RAB30: variants seen among roughly 807,000 people sequenced by gnomAD.
RAB30 encodes ras-related protein Rab-30.
In RAB30, 9 loss-of-function variants were observed where a neutral mutation model predicts 25.1. The ratio of observed to expected loss-of-function variants is 0.36; its 90% CI spans 0.22 to 0.63. The LOEUF (loss-of-function observed/expected upper bound fraction) is 0.63. RAB30 is among the 20% of genes least tolerant of loss of function. The pLI is 0.69. For missense variants in RAB30, 140 were observed against 243.5 expected (o/e 0.58, Z 2.83); for synonymous variants, 77 against 86.4 (o/e 0.89, Z 0.60).
chr11:83,037,880 T>C (rs1858020044), intron 1 of RAB30, among the ~76,000 whole-genome samples: 1 of 152,136 alleles, frequency 6.6e-6, no homozygotes, highest in African/African-American at 2.4e-5. Flanking sequence ...AAACAGGGGT[T>C]CCACTTACTT....
At chr11:83,013,397 A>G (rs1204285114) in intron 1 of RAB30, among the ~76,000 whole-genome samples, 2 of 152,108 alleles carry the variant, frequency 1.3e-5, no homozygotes. Context: ...ACACTTTATT[A>G]TTCTTGTTGG....
rs1007565449 is a variant in RAB30 at position 82,981,811 on chromosome 11, C to T, written c.*354G>A. ...CCCTAAAGAAGAGTTCCCACATGCA[C>T]CCACTGATGTGCAGGAGGGATCCCT... is the stretch of plus-strand genomic sequence containing the variant. On this transcript the variant is annotated 3_prime_UTR_variant, in exon 5 of 5. Coordinates refer to ENST00000527633, the MANE Select transcript of RAB30 (RefSeq NM_001286060.2). 1 of 210,032 alleles carries T rather than the reference C, an allele frequency of 4.8e-6. No homozygotes were observed. Among genetic ancestry groups the T allele is most frequent in the African/African-American group, 2.3e-5 (1 of 43,128 alleles). The allele number at this position is 210,032 out of a possible 1,614,324, so 13.0% of individuals were successfully genotyped here. A position where few individuals can be genotyped will look rare whatever the true frequency, so the allele number is the denominator to read the frequency against.
At chr11:83,019,605 C>T (rs1857518519) in intron 1 of RAB30, among the ~76,000 whole-genome samples, 1 of 152,168 alleles carries the variant, frequency 6.6e-6, no homozygotes, top group Non-Finnish European at 1.5e-5. Context: ...ATGCCATCTC[C>T]CCCACGAAGT....
intron 1 of RAB30, among the ~76,000 whole-genome samples, chr11:83,058,270 A>T (rs1409698854): frequency 2.0e-5 from 3 of 152,200 alleles, no homozygotes; most frequent in African/African-American, 7.2e-5. Flanking sequence ...ATTAACATTC[A>T]TCCTATACTA....
chr11:83,018,358 T>A (rs987984535), intron 1 of RAB30, among the ~76,000 whole-genome samples: 1 of 152,108 alleles, frequency 6.6e-6, no homozygotes, highest in African/African-American at 2.4e-5. Flanking sequence ...CATTTACTAT[T>A]TTTTGATTTT....
At chr11:83,055,233 C>T (rs1350674588) in intron 1 of RAB30, among the ~76,000 whole-genome samples, 1 of 152,222 alleles carries the variant, frequency 6.6e-6, no homozygotes. Flanking sequence ...TAGCACCTGG[C>T]ACTATGTAAA....
intron 1 of RAB30, among the ~76,000 whole-genome samples, chr11:83,019,594 C>T (rs539690307): frequency 7.7e-4 from 118 of 152,318 alleles, no homozygotes; most frequent in Admixed American, 2.0e-3. Context: ...GGGCAGCAGA[C>T]ATGCCATCTC....
intron 1 of RAB30, among the ~76,000 whole-genome samples, chr11:83,054,955 G>A (rs989600226): frequency 6.6e-6 from 1 of 152,198 alleles, no homozygotes; most frequent in African/African-American, 2.4e-5. Flanking sequence ...AGTGGTGGCG[G>A]CCAGGTGCCA....
intron 1 of RAB30, among the ~76,000 whole-genome samples, chr11:83,062,006 T>C (rs984610841): frequency 6.6e-6 from 1 of 152,104 alleles, no homozygotes; most frequent in Non-Finnish European, 1.5e-5. Flanking sequence ...TCTTCCCCCG[T>C]GCCTGAAAAT....
rs141660411 is a variant in RAB30 at position 83,063,387 on chromosome 11, C to T, written c.-9+8304G>A. 8.3e-4 allele frequency among the ~76,000 whole-genome samples: 127 copies of T among 152,336 alleles called. 1 individual carries two copies. In the East Asian group the frequency reaches 0.021, roughly 25 times the overall value. ...TTCATTTCAAGGTTGATGACGTCCA[C>T]ATTTTAGTGAAGTTAACTAACCGTA... On this transcript the variant is annotated intron_variant, in intron 1 of 4. Transcript: ENST00000527633.
At position 83,006,975 on chromosome 11, in the gene RAB30, A is replaced by AAAC. The variant is rs1352352644; in HGVS notation, c.-8-9654_-8-9652dup. 6.6e-5 allele frequency among the ~76,000 whole-genome samples: 10 copies of AAAC among 152,364 alleles called. No homozygotes were observed. In the East Asian group the frequency reaches 1.7e-3, roughly 26 times the overall value. ...CTTGCTTGTGTCATGAATAAAAACAAAACTCTCACACATTCTTACAGCTTA... is the reference window on the plus strand; with the variant it reads ...CTTGCTTGTGTCATGAATAAAAACAAAACAACTCTCACACATTCTTACAGCTTA... On this transcript the variant is annotated intron_variant, in intron 1 of 4. Coordinates refer to ENST00000527633, the MANE Select transcript of RAB30 (RefSeq NM_001286060.2).
At chr11:83,041,716 AC>A (rs1463877245) in intron 1 of RAB30, 1 of 153,588 alleles carries the variant, frequency 6.5e-6, no homozygotes, top group Admixed American at 6.5e-5. Context: ...GTTTTTATAA[AC>A]TTTTTAACTT....
intron 1 of RAB30, among the ~76,000 whole-genome samples, chr11:83,067,897 G>T (rs563888985): frequency 6.6e-6 from 1 of 151,814 alleles, no homozygotes; most frequent in Non-Finnish European, 1.5e-5. Flanking sequence ...AGGCTGAGGC[G>T]GGTGGACCAT....
At chr11:82,982,486 A>G in intron 4 of RAB30, 71 bp from the exon 5 acceptor site, 1 of 1,512,036 alleles carries the variant, frequency 6.6e-7, no homozygotes, top group Middle Eastern at 2.4e-4. Flanking sequence ...ATCAAAATTC[A>G]ACTCCATATC....
intron 1 of RAB30, among the ~76,000 whole-genome samples, chr11:82,998,711 G>GA (rs112489317): frequency 0.02 from 2,708 of 138,050 alleles, 62 homozygotes; most frequent in East Asian, 0.1. Flanking sequence ...GTTAAATAAT[G>GA]AAAAAAAAAA....
At chr11:83,000,168 TAACTA>T (rs762354042) in intron 1 of RAB30, among the ~76,000 whole-genome samples, 3 of 152,220 alleles carry the variant, frequency 2.0e-5, no homozygotes, top group Non-Finnish European at 4.4e-5. Flanking sequence ...CCACAGCTGG[TAACTA>T]GTGGAGCTGA....
chr11:83,039,435 T>C (rs1323785353), intron 1 of RAB30, among the ~76,000 whole-genome samples: 2 of 152,182 alleles, frequency 1.3e-5, no homozygotes, highest in African/African-American at 4.8e-5. Context: ...TCCCAGCACA[T>C]TGGGATGCCA....
At chr11:82,982,721 G>A (rs1856664956) in intron 4 of RAB30, among the ~76,000 whole-genome samples, 1 of 152,096 alleles carries the variant, frequency 6.6e-6, no homozygotes, top group Non-Finnish European at 1.5e-5. Flanking sequence ...AATTAGCCAG[G>A]TGTGGTGGCA....
At chr11:83,017,731 AG>A (rs1348072086) in intron 1 of RAB30, among the ~76,000 whole-genome samples, 2 of 152,236 alleles carry the variant, frequency 1.3e-5, no homozygotes, top group Non-Finnish European at 2.9e-5. Flanking sequence ...ATGACTAAGT[AG>A]TATATCATGG....
Sources: gnomAD v4.1 joint callset for allele counts (sites outside exome capture counted in the v4.1 genomes callset) on GRCh38, gnomAD v4.1.1 for gene constraint, MANE v1.5 for transcripts, NCBI Gene and HGNC (gene_info 2026-07-23, HGNC 2026-07-21) for gene names.